GALNTL6: variants seen among roughly 807,000 people sequenced by gnomAD.
GALNTL6 encodes polypeptide N-acetylgalactosaminyltransferase like 6, also known as polypeptide N-acetylgalactosaminyltransferase-like 6.
Under a neutral mutation model 73.7 loss-of-function variants are expected in GALNTL6, and 46 were observed. The ratio of observed to expected loss-of-function variants is 0.62; its 90% CI spans 0.49 to 0.80. GALNTL6 has a LOEUF of 0.80. Among genes scored for constraint, GALNTL6 ranks in the 30% least tolerant of loss-of-function variants. The pLI is 0.00. For synonymous variants in GALNTL6, 259 were observed against 263.7 expected, an observed-to-expected ratio of 0.98 and a Z score of 0.17; for missense variants, 604 against 755.0, an observed-to-expected ratio of 0.80 and a Z score of 2.34.
chr4:172,625,084 C>A (rs1235963013), intron 5 of GALNTL6, among the ~76,000 whole-genome samples: 1 of 151,900 alleles, frequency 6.6e-6, no homozygotes, highest in Non-Finnish European at 1.5e-5. Flanking sequence ...TAGTATTGTG[C>A]AGTGCTCTAT....
chr4:172,334,018 G>T (rs1477881568), intron 4 of GALNTL6, among the ~76,000 whole-genome samples: 1 of 152,018 alleles, frequency 6.6e-6, no homozygotes, highest in African/African-American at 2.4e-5. Context: ...CTTATTTCTG[G>T]ATTCTCTCTT....
At position 171,991,712 on chromosome 4, in the gene GALNTL6, A is replaced by G. The variant is rs923595002; in HGVS notation, c.138+176994A>G. ...TAGACCAGAAGTTGAGTTTGATTAT[A>G]TGTGTGTGTGTGTGTGTGTATATAT... On this transcript the variant is annotated intron_variant, in intron 2 of 12. Coordinates refer to ENST00000506823, the MANE Select transcript of GALNTL6 (RefSeq NM_001034845.3). 3.9e-4 allele frequency among the ~76,000 whole-genome samples: 54 copies of G among 137,304 alleles called. 3 individuals carry two copies. The highest frequency in any genetic ancestry group is 3.6e-3 in the Admixed American group (48 of 13,294). The allele number at this position is 137,304 out of a possible 152,430, so 90.1% of individuals were successfully genotyped here. A position where few individuals can be genotyped will look rare whatever the true frequency, so the allele number is the denominator to read the frequency against.
chr4:172,703,766 T>C (rs1424588392), intron 5 of GALNTL6, among the ~76,000 whole-genome samples: 2 of 151,988 alleles, frequency 1.3e-5, no homozygotes, highest in South Asian at 2.1e-4. Context: ...TGATAAGAAT[T>C]GGTATTAGTT....
At chr4:171,908,082 T>C (rs1737350877) in intron 2 of GALNTL6, among the ~76,000 whole-genome samples, 1 of 152,140 alleles carries the variant, frequency 6.6e-6, no homozygotes, top group African/African-American at 2.4e-5. Flanking sequence ...GACATAGGCA[T>C]GGGCAAGGAC....
At chr4:172,860,833 A>G (rs1328880769) in intron 7 of GALNTL6, among the ~76,000 whole-genome samples, 1 of 152,174 alleles carries the variant, frequency 6.6e-6, no homozygotes. Context: ...TTTATAGGTG[A>G]TTTTTACACT....
chr4:172,519,803 C>G (rs911589075), intron 5 of GALNTL6, among the ~76,000 whole-genome samples: 17 of 151,622 alleles, frequency 1.1e-4, no homozygotes, highest in African/African-American at 4.1e-4. Flanking sequence ...TTATATGGTT[C>G]AGTTCTTGAT....
At chr4:172,883,037 G>T in intron 8 of GALNTL6, 130 bp downstream of exon 8, 1 of 564,734 alleles carries the variant, frequency 1.8e-6, no homozygotes, top group Non-Finnish European at 3.2e-6. Context: ...CTTCCCAAGT[G>T]AGCTCTTGTA....
At chr4:172,662,446 A>G (rs1404661000) in intron 5 of GALNTL6, among the ~76,000 whole-genome samples, 1 of 152,210 alleles carries the variant, frequency 6.6e-6, no homozygotes, top group Non-Finnish European at 1.5e-5. Flanking sequence ...AAGACTCATT[A>G]TAGTTTGTCT....
intron 7 of GALNTL6, among the ~76,000 whole-genome samples, chr4:172,824,210 A>C (rs1742103395): frequency 6.6e-6 from 1 of 152,190 alleles, no homozygotes; most frequent in Non-Finnish European, 1.5e-5. Context: ...ATTTAAAGAA[A>C]TGATGAAAAC....
intron 2 of GALNTL6, among the ~76,000 whole-genome samples, chr4:171,880,794 A>T (rs1736424889): frequency 6.6e-6 from 1 of 152,152 alleles, no homozygotes. Context: ...CCCAAGGAAA[A>T]TATAACACAT....
chr4:172,170,483 C>T lies in GALNTL6; in HGVS notation c.139-59173C>T, dbSNP rs914536452. On this transcript the variant is annotated intron_variant, in intron 2 of 12. Coordinates refer to ENST00000506823, the MANE Select transcript of GALNTL6 (RefSeq NM_001034845.3). ...TAAACCTCTTCCCTTTATAAATTAC[C>T]CAGTCCCTGGAAGTTTCTTTGGTGG... Among the ~76,000 whole-genome samples, 40 of 151,362 alleles carry T rather than the reference C, an allele frequency of 2.6e-4. No individual in the cohort carries two copies. The Middle Eastern group carries it at 0.014, about 52-fold the overall frequency.
At chr4:172,163,707 AG>A (rs1734538591) in intron 2 of GALNTL6, among the ~76,000 whole-genome samples, 1 of 152,056 alleles carries the variant, frequency 6.6e-6, no homozygotes, top group South Asian at 2.1e-4. Flanking sequence ...AAAATCTTCC[AG>A]GTTAACAAGC....
intron 8 of GALNTL6, among the ~76,000 whole-genome samples, chr4:172,907,492 G>T (rs1295706181): frequency 6.6e-6 from 1 of 152,120 alleles, no homozygotes; most frequent in African/African-American, 2.4e-5. Context: ...AATTTTAAAG[G>T]TTATCATCAT....
chr4:172,518,407 T>C (rs568606893), intron 5 of GALNTL6, among the ~76,000 whole-genome samples: 2 of 151,982 alleles, frequency 1.3e-5, no homozygotes, highest in Non-Finnish European at 2.9e-5. Context: ...ATATTGTAGA[T>C]TGAAGGCTTA....
chr4:172,815,763 CGTAG>C (rs1741569011), intron 7 of GALNTL6, among the ~76,000 whole-genome samples: 1 of 152,136 alleles, frequency 6.6e-6, no homozygotes, highest in South Asian at 2.1e-4. Flanking sequence ...CTGTCCCCTA[CGTAG>C]GTGGTTGTTG....
intron 5 of GALNTL6, among the ~76,000 whole-genome samples, chr4:172,606,611 C>CTAT (rs1457182843): frequency 8.6e-6 from 1 of 116,330 alleles, no homozygotes; most frequent in Non-Finnish European, 1.8e-5. Context: ...TACATATATA[C>CTAT]ATATATAGTA....
At chr4:172,347,380 A>G (rs1252914128) in intron 4 of GALNTL6, among the ~76,000 whole-genome samples, 3 of 152,206 alleles carry the variant, frequency 2.0e-5, no homozygotes, top group African/African-American at 7.2e-5. Context: ...CCTAATGTTT[A>G]AAAAACAATT....
chr4:172,271,297 G>A (rs1289074031), intron 3 of GALNTL6, among the ~76,000 whole-genome samples: 2 of 152,068 alleles, frequency 1.3e-5, no homozygotes, highest in Non-Finnish European at 2.9e-5. Context: ...AACTGCTATA[G>A]AAGAATATAT....
intron 2 of GALNTL6, among the ~76,000 whole-genome samples, chr4:171,992,501 A>G (rs889542693): frequency 2.0e-5 from 3 of 152,030 alleles, no homozygotes; most frequent in Non-Finnish European, 4.4e-5. Context: ...TATGCTTGTA[A>G]TTACACTGCC....
Sources: gnomAD v4.1 joint callset for allele counts (sites outside exome capture counted in the v4.1 genomes callset) on GRCh38, gnomAD v4.1.1 for gene constraint, MANE v1.5 for transcripts, NCBI Gene and HGNC (gene_info 2026-07-23, HGNC 2026-07-21) for gene names.